GLG1: variants seen among roughly 807,000 people sequenced by gnomAD.
GLG1 encodes the protein golgi glycoprotein 1.
A neutral mutation model predicts 160.5 loss-of-function variants in GLG1; 38 were observed. The observed-to-expected ratio is 0.24, with a 90% CI of 0.18 to 0.31. GLG1 has a LOEUF of 0.31. Among genes scored for constraint, GLG1 ranks in the 10% least tolerant of loss-of-function variants. The probability of loss-of-function intolerance (pLI) is 1.00; values close to 1 mark genes in which losing one functional copy is unlikely to be tolerated. For missense variants in GLG1, 1,373 were observed against 1,505.2 expected, an observed-to-expected ratio of 0.91 and a Z score of 1.45; for synonymous variants, 644 against 543.4, an observed-to-expected ratio of 1.19 and a Z score of -2.57.
At chr16:74,506,645 A>G (rs1464140338) in intron 3 of GLG1, among the ~76,000 whole-genome samples, 2 of 150,470 alleles carry the variant, frequency 1.3e-5, no homozygotes, top group African/African-American at 4.9e-5. Context: ...TGTAGCCTCA[A>G]TAAGAAACTA....
At chr16:74,528,655 T>C (rs1400375615) in intron 2 of GLG1, among the ~76,000 whole-genome samples, 1 of 151,218 alleles carries the variant, frequency 6.6e-6, no homozygotes, top group Non-Finnish European at 1.5e-5. Context: ...CTACTAAAAA[T>C]ACAAAAGTTA....
At chr16:74,507,032 A>G (rs1433216167) in intron 3 of GLG1, among the ~76,000 whole-genome samples, 2 of 152,206 alleles carry the variant, frequency 1.3e-5, no homozygotes, top group Non-Finnish European at 2.9e-5. Flanking sequence ...AATAGTTTAC[A>G]GGTATTCTTG....
intron 8 of GLG1, among the ~76,000 whole-genome samples, chr16:74,488,911 G>A (rs1203444034): frequency 6.6e-6 from 1 of 152,128 alleles, no homozygotes; most frequent in South Asian, 2.1e-4. Flanking sequence ...GAGCCACCAT[G>A]CCCAGCCTCA....
rs1051215753 is a variant in GLG1, at chr16:74,452,584, G to A, written c.*583C>T. On this transcript the variant is annotated 3_prime_UTR_variant, in exon 26 of 26. Coordinates refer to ENST00000422840, the MANE Select transcript of GLG1 (RefSeq NM_001145667.2). The stretch of plus-strand genomic sequence containing the variant: ...GAAAGCAGGACCCCACACAGCCTGG[G>A]GAACGGCTGCCCACCCACGCCTCGG... The A allele has an allele frequency of 1.7e-5, 17 of 1,000,164 alleles. No individual in the cohort carries two copies. The highest frequency in any genetic ancestry group is 5.4e-5 in the Admixed American group (1 of 18,536). The allele number at this position is 1,000,164 out of a possible 1,614,324, so 62.0% of individuals were successfully genotyped here. A position where few individuals can be genotyped will look rare whatever the true frequency, so the allele number is the denominator to read the frequency against.
chr16:74,576,544 C>G (rs2019009981), intron 1 of GLG1, among the ~76,000 whole-genome samples: 1 of 152,198 alleles, frequency 6.6e-6, no homozygotes, highest in Non-Finnish European at 1.5e-5. Flanking sequence ...CCTTAATAAC[C>G]TTTTAAAATT....
At chr16:74,515,145 G>A (rs2016939726) in intron 2 of GLG1, among the ~76,000 whole-genome samples, 1 of 152,066 alleles carries the variant, frequency 6.6e-6, no homozygotes, top group Admixed American at 6.6e-5. Context: ...GATTCATAAA[G>A]CAAGTTCTTA....
At chr16:74,582,443 T>C (rs1378561534) in intron 1 of GLG1, among the ~76,000 whole-genome samples, 2 of 152,096 alleles carry the variant, frequency 1.3e-5, no homozygotes, top group African/African-American at 2.4e-5. Flanking sequence ...TGGGATTTCC[T>C]TAATCCTGAA....
chr16:74,493,275 A>C, intron 6 of GLG1, 135 bp from the exon 7 acceptor site: 1 of 577,816 alleles, frequency 1.7e-6, no homozygotes, highest in Non-Finnish European at 3.1e-6. Flanking sequence ...ATCTATCTTT[A>C]AGTTTGGTTA....
intron 5 of GLG1, 126 bp downstream of exon 5, chr16:74,496,315 G>A (rs956423425): frequency 3.4e-5 from 23 of 671,506 alleles, no homozygotes; most frequent in Admixed American, 1.4e-4. Context: ...TCAGAAGTTC[G>A]TGACCAGCCT....
chr16:74,523,434 C>T (rs1018885144), intron 2 of GLG1, among the ~76,000 whole-genome samples: 12 of 152,106 alleles, frequency 7.9e-5, no homozygotes, highest in African/African-American at 2.7e-4. Context: ...GTTACAGGTA[C>T]TCTGTGTTTC....
At chr16:74,465,928 C>G in intron 18 of GLG1, 115 bp from the exon 19 acceptor site, 1 of 883,074 alleles carries the variant, frequency 1.1e-6, no homozygotes, top group Non-Finnish European at 1.8e-6. Context: ...ATTTCTCATT[C>G]CCAGGCAATC....
rs369677800 is a variant in GLG1, at chr16:74,599,018, T to C, written c.438+7639A>G. On this transcript the variant is annotated intron_variant, in intron 1 of 25. Coordinates refer to ENST00000422840, the MANE Select transcript of GLG1 (RefSeq NM_001145667.2). ...AAAAGAGAAATACAGCATTTCATCT[T>C]TTGGACTGTTCAAGTATTTTATTTC... is the stretch of plus-strand genomic sequence containing the variant. Among the ~76,000 whole-genome samples the C allele has an allele frequency of 2.5e-4, 38 of 152,220 alleles. 2 individuals are homozygous for C. The South Asian group carries it at 7.1e-3, about 28-fold the overall frequency.
chr16:74,527,387 T>A (rs1425551053), intron 2 of GLG1, among the ~76,000 whole-genome samples: 3 of 151,642 alleles, frequency 2.0e-5, no homozygotes, highest in African/African-American at 7.2e-5. Context: ...GTAGCTGGGA[T>A]TACTGGTGTG....
At chr16:74,542,670 CAA>C (rs1169433529) in intron 1 of GLG1, among the ~76,000 whole-genome samples, 5 of 76,272 alleles carry the variant, frequency 6.6e-5, no homozygotes, top group African/African-American at 5.2e-5. Flanking sequence ...GAAACTCTGT[CAA>C]AAAAAAAAAA....
At chr16:74,535,919 T>C (rs1267471306) in intron 1 of GLG1, among the ~76,000 whole-genome samples, 2 of 152,018 alleles carry the variant, frequency 1.3e-5, no homozygotes, top group African/African-American at 4.8e-5. Context: ...AAGAACACAG[T>C]GGTGATTTAG....
chr16:74,600,966 T>TTCCTTTAA (rs1349216500), intron 1 of GLG1, among the ~76,000 whole-genome samples: 1 of 152,156 alleles, frequency 6.6e-6, no homozygotes, highest in Non-Finnish European at 1.5e-5. Context: ...CTTAAAGTAC[T>TTCCTTTAA]AGTGTCCTTC....
At chr16:74,506,905 A>G (rs1597283053) in intron 3 of GLG1, among the ~76,000 whole-genome samples, 1 of 152,114 alleles carries the variant, frequency 6.6e-6, no homozygotes, top group South Asian at 2.1e-4. Flanking sequence ...GTGGCTGGGG[A>G]GCAGATTGAA....
intron 4 of GLG1, among the ~76,000 whole-genome samples, chr16:74,498,665 G>C (rs1228352326): frequency 6.7e-6 from 1 of 148,774 alleles, no homozygotes; most frequent in Non-Finnish European, 1.5e-5. Context: ...AGGAGTTCGA[G>C]ACCAGCCTGG....
chr16:74,552,380 C>T (rs2018224997), intron 1 of GLG1: 1 of 585,514 alleles, frequency 1.7e-6, no homozygotes, highest in African/African-American at 1.9e-5. Flanking sequence ...TGTGCCCAAC[C>T]TTCACATCAT....
Sources: gnomAD v4.1 joint callset for allele counts (sites outside exome capture counted in the v4.1 genomes callset) on GRCh38, gnomAD v4.1.1 for gene constraint, MANE v1.5 for transcripts, NCBI Gene and HGNC (gene_info 2026-07-23, HGNC 2026-07-21) for gene names.